The following AHNAK variants were observed in gnomAD, a reference collection of about 807,000 sequenced individuals.
The protein encoded by AHNAK is neuroblast differentiation-associated protein AHNAK.
Under a neutral mutation model 37.8 loss-of-function variants are expected in AHNAK, and 23 were observed. That is an observed-to-expected ratio of 0.61 (90% CI 0.44 to 0.86). The LOEUF is 0.86. Among genes scored for constraint, AHNAK ranks in the 40% least tolerant of loss-of-function variants. AHNAK has a pLI of 0.00. For missense variants in AHNAK, 7,411 were observed against 7,319.4 expected, an observed-to-expected ratio of 1.01 and a Z score of -0.46; for synonymous variants, 2,481 against 2,636.3, an observed-to-expected ratio of 0.94 and a Z score of 1.80.
Position 62,516,314 on chromosome 11 carries a change from G to T in AHNAK, c.*430C>A. On this transcript the variant is annotated 3_prime_UTR_variant, in exon 5 of 5. Transcript: ENST00000378024. ...CAGGAAAGAGGAAGACCTGACCTCC[G>T]TCTGCAACCCATCACCCCACCCACC... 1.6e-6 allele frequency: 2 copies of T among 1,289,414 alleles called. No homozygotes were observed. The highest frequency in any genetic ancestry group is 2.5e-5 in the South Asian group (2 of 81,010). 79.9% of individuals were successfully genotyped at this position (1,289,414 alleles called of 1,614,324 possible).
intron 5 of AHNAK, among the ~76,000 whole-genome samples, chr11:62,484,056 A>AAG (rs1939338752): frequency 7.0e-6 from 1 of 143,514 alleles, no homozygotes; most frequent in Admixed American, 6.8e-5. Flanking sequence ...AAAAAAAAAA[A>AAG]GAAAGGGCAT....
chr11:62,534,474 C>T (rs889798443), intron 4 of AHNAK, among the ~76,000 whole-genome samples: 24 of 152,156 alleles, frequency 1.6e-4, no homozygotes, highest in African/African-American at 5.8e-4. Flanking sequence ...TTCTCAGAGG[C>T]CCTTGGACCC....
chr11:62,545,693 C>G (rs1941285262), intron 1 of AHNAK: 1 of 152,938 alleles, frequency 6.5e-6, no homozygotes, highest in South Asian at 2.1e-4. Context: ...AGCCCGGCTC[C>G]TGCCCCCAAC....
In AHNAK at chr11:62,456,402, G is replaced by A. The variant is rs114634044; in HGVS notation, c.443-22511C>T. 8.6e-3 allele frequency among the ~76,000 whole-genome samples: 1,302 copies of A among 152,270 alleles called. 13 individuals are homozygous for A. Among genetic ancestry groups the A allele is most frequent in the African/African-American group, 0.029 (1,214 of 41,562 alleles). On this transcript the variant is annotated intron_variant, in intron 5 of 5. Coordinates refer to the AHNAK transcript ENST00000257247. ...TCTTTATGCTTTAGGCAGTTTGCACGCTTATTTCATTCAATCTACTGACAA... is the reference window on the plus strand; with the variant it reads ...TCTTTATGCTTTAGGCAGTTTGCACACTTATTTCATTCAATCTACTGACAA...
intron 4 of AHNAK, among the ~76,000 whole-genome samples, chr11:62,501,522 G>A (rs1373746395): frequency 6.6e-6 from 1 of 152,164 alleles, no homozygotes; most frequent in African/African-American, 2.4e-5. Flanking sequence ...AGCCGAGATC[G>A]CGCCACTGCA....
intron 4 of AHNAK, among the ~76,000 whole-genome samples, chr11:62,498,238 T>C (rs17157352): frequency 0.029 from 4,488 of 152,208 alleles, 217 homozygotes; most frequent in African/African-American, 0.1. Flanking sequence ...TATGTTAACA[T>C]ACAGACTTGT....
chr11:62,536,006 G>A lies in AHNAK; in HGVS notation c.93C>T (p.Gly31=), dbSNP rs770685879. 9 of 1,612,844 alleles carry A rather than the reference G, an allele frequency of 5.6e-6. No homozygotes were observed. The highest frequency in any genetic ancestry group is 2.7e-5 in the African/African-American group (2 of 74,978). ...TCTGCGTCACCTCCTGCACAAAGAC[G>A]CCGTCGTCCCTCTGGGCGATGGTCA... ...HGLTIAQRDD[G]VFVQEVTQNS... The change falls in exon 3 of 5, where the codon GGC becomes GGT. Residue 31 remains glycine (G), a synonymous_variant. Coordinates refer to ENST00000378024, the MANE Select transcript of AHNAK (RefSeq NM_001620.3).
In AHNAK at chr11:62,471,743, G is replaced by A. The variant is rs146975631; in HGVS notation, c.442+19989C>T. ...CAGGCAGCCCATGGCAGGTGAAGCC[G>A]GACATGCCCTGAGGCCTGGGTGTGG... On this transcript the variant is annotated intron_variant, in intron 5 of 5. Transcript: ENST00000257247. Among the ~76,000 whole-genome samples the A allele has an allele frequency of 5.1e-3, 778 of 152,320 alleles. 9 individuals carry two copies. Among genetic ancestry groups the A allele is most frequent in the African/African-American group, 0.017 (716 of 41,580 alleles).
rs1376205730 is a variant in AHNAK, at chr11:62,516,686, C to T, written c.*58G>A. The T allele has an allele frequency of 2.0e-6, 3 of 1,523,576 alleles. No homozygotes were observed. The highest frequency in any genetic ancestry group is 2.6e-6 in the Non-Finnish European group (3 of 1,140,920). 94.4% of individuals were successfully genotyped at this position (1,523,576 alleles called of 1,614,324 possible). ...CCTTTGGAGTTTATATAGGAACACA[C>T]CACCCAAGGCTGATGTTTTGTTATA... On this transcript the variant is annotated 3_prime_UTR_variant, in exon 5 of 5. Coordinates refer to ENST00000378024, the MANE Select transcript of AHNAK (RefSeq NM_001620.3).
chr11:62,503,293 A>G (rs1304322282), intron 4 of AHNAK, among the ~76,000 whole-genome samples: 1 of 152,216 alleles, frequency 6.6e-6, no homozygotes, highest in African/African-American at 2.4e-5. Flanking sequence ...GGAAACTGTA[A>G]AACAACGAAA....
chr11:62,478,056 C>G (rs1011636424), intron 5 of AHNAK, among the ~76,000 whole-genome samples: 1 of 152,134 alleles, frequency 6.6e-6, no homozygotes, highest in Non-Finnish European at 1.5e-5. Flanking sequence ...GACTCAAAAT[C>G]CTCCCAGGAA....
At chr11:62,546,022 G>A (rs1216947223) in intron 1 of AHNAK, 1 of 152,546 alleles carries the variant, frequency 6.6e-6, no homozygotes, top group African/African-American at 2.4e-5. Context: ...CAAACTTCCA[G>A]GTTCCGCGGC....
chr11:62,524,642 T>C lies in AHNAK; in HGVS notation c.9775A>G (p.Lys3259Glu). ...KGPALDIKGP[K>E]IDVDAPDIDI... is the part of the protein sequence containing the mutation. ...ATATCTGGAGCATCTACATCTATCT[T>C]TGGGCCTTTTATGTCAAGAGCAGGT... is the stretch of plus-strand genomic sequence containing the variant. The change falls in exon 5 of 5, where the codon AAG becomes GAG. Residue 3259 changes from lysine to glutamate, a missense_variant. By Grantham distance (56) the Lys-to-Glu change is moderately conservative. Coordinates refer to ENST00000378024, the MANE Select transcript of AHNAK (RefSeq NM_001620.3). 1 of 1,614,232 alleles carries C rather than the reference T, an allele frequency of 6.2e-7. No individual in the cohort carries two copies. Among genetic ancestry groups the C allele is most frequent in the East Asian group, 2.2e-5 (1 of 44,894 alleles).
At chr11:62,482,986 CA>C (rs767525199) in intron 5 of AHNAK, among the ~76,000 whole-genome samples, 17 of 152,090 alleles carry the variant, frequency 1.1e-4, no homozygotes, top group Non-Finnish European at 1.0e-4. Context: ...CAAAGACACA[CA>C]AAAACGTCCA....
intron 1 of AHNAK, among the ~76,000 whole-genome samples, chr11:62,537,054 C>A (rs911357335): frequency 6.6e-6 from 1 of 151,028 alleles, no homozygotes; most frequent in Non-Finnish European, 1.5e-5. Context: ...CCCGGGTTCA[C>A]GCCAGTCTCC....
At chr11:62,441,948 C>A (rs2134781926) in intron 5 of AHNAK, among the ~76,000 whole-genome samples, 1 of 152,294 alleles carries the variant, frequency 6.6e-6, no homozygotes, top group South Asian at 2.1e-4. Flanking sequence ...GCAGGGCTGT[C>A]ACCCCCAGCA....
intron 4 of AHNAK, among the ~76,000 whole-genome samples, chr11:62,507,761 A>G (rs1193265745): frequency 6.6e-6 from 1 of 152,248 alleles, no homozygotes; most frequent in African/African-American, 2.4e-5. Flanking sequence ...AGACTGGGCG[A>G]CAGAGACTCC....
chr11:62,533,493 G>A lies in AHNAK; in HGVS notation c.924C>T (p.Thr308=), dbSNP rs771437534. 6.2e-6 allele frequency: 10 copies of A among 1,614,134 alleles called. No homozygotes were observed. The highest frequency in any genetic ancestry group is 8.5e-6 in the Non-Finnish European group (10 of 1,180,028). ...AGACACCAAATTTCGGCACTTTCAT[G>A]GTGGGAAATTTAATTTTGCCATGAT... ...SGDHGKIKFP[T]MKVPKFGVST... is the part of the protein sequence containing the mutation. Residue 308 remains threonine, a synonymous_variant, in exon 5 of 5, where the codon ACC becomes ACT. Transcript: ENST00000378024.
rs1940339211 is a variant in AHNAK, at chr11:62,523,309, G to A, written c.11108C>T (p.Pro3703Leu). The A allele has an allele frequency of 1.2e-6, 2 of 1,613,702 alleles. No individual in the cohort carries two copies. Among genetic ancestry groups the A allele is most frequent in the East Asian group, 4.5e-5 (2 of 44,876 alleles). The change falls in exon 5 of 5, where the codon CCT becomes CTT. Residue 3703 changes from proline (P) to leucine (L), a missense_variant. Physicochemically the swap from Pro to Leu is moderately conservative, Grantham distance 98 (BLOSUM62 -3). Coordinates refer to ENST00000378024, the MANE Select transcript of AHNAK (RefSeq NM_001620.3). ...LPKVEGDLKG[P>L]EVDIKGPKVD... ...TTTGGGGCCCTTGATGTCCACCTCAGGGCCTTTTAGATCACCTTCCACTTT... is the reference window on the plus strand; with the variant it reads ...TTTGGGGCCCTTGATGTCCACCTCAAGGCCTTTTAGATCACCTTCCACTTT...
Sources: allele counts gnomAD v4.1 joint callset (sites outside exome capture counted in the v4.1 genomes callset), GRCh38; gene constraint gnomAD v4.1.1; transcripts MANE v1.5; gene names NCBI Gene and HGNC (gene_info 2026-07-23, HGNC 2026-07-21).